VAT1L: variants seen among roughly 807,000 people sequenced by gnomAD.
The protein encoded by VAT1L is putative NADPH-dependent quinone oxidoreductase VAT1L.
VAT1L carries 34 observed loss-of-function variants against 44.1 expected under a neutral mutation model. That is an observed-to-expected ratio of 0.77 (90% CI 0.59 to 1.03). VAT1L has a LOEUF of 1.03. VAT1L is among the 50% of genes least tolerant of loss of function. The pLI, the probability that VAT1L is intolerant of heterozygous loss-of-function variation, is 0.00. For missense variants in VAT1L, 615 were observed against 538.8 expected (o/e 1.14, Z -1.40); for synonymous variants, 253 against 202.2 (o/e 1.25, Z -2.13).
At chr16:77,791,816 G>C (rs1443858169) in intron 1 of VAT1L, among the ~76,000 whole-genome samples, 1 of 152,214 alleles carries the variant, frequency 6.6e-6, no homozygotes, top group Non-Finnish European at 1.5e-5. Flanking sequence ...AGCTCAAAAA[G>C]AACTGTTGCT....
At chr16:77,900,867 C>T (rs553439346) in intron 7 of VAT1L, among the ~76,000 whole-genome samples, 1 of 152,132 alleles carries the variant, frequency 6.6e-6, no homozygotes, top group South Asian at 2.1e-4. Flanking sequence ...TTATAAATGC[C>T]CCAAGTCTGC....
intron 2 of VAT1L, among the ~76,000 whole-genome samples, chr16:77,822,692 G>T (rs4552039): frequency 0.037 from 5,595 of 152,252 alleles, 199 homozygotes; most frequent in East Asian, 0.14. Flanking sequence ...GAAAGGAGAT[G>T]CAAGGAGGCA....
intron 3 of VAT1L, among the ~76,000 whole-genome samples, chr16:77,852,636 T>G (rs1362951760): frequency 6.6e-6 from 1 of 152,154 alleles, no homozygotes; most frequent in African/African-American, 2.4e-5. Flanking sequence ...GGCAATATGA[T>G]GTTGGGTGGA....
chr16:77,952,704 A>C (rs1337725874), intron 7 of VAT1L, among the ~76,000 whole-genome samples: 1 of 151,930 alleles, frequency 6.6e-6, no homozygotes, highest in Non-Finnish European at 1.5e-5. Flanking sequence ...TAAAAAATAC[A>C]AAAATTAGCC....
chr16:77,933,906 G>C (rs2017761892), intron 7 of VAT1L, among the ~76,000 whole-genome samples: 1 of 152,182 alleles, frequency 6.6e-6, no homozygotes, highest in Admixed American at 6.5e-5. Flanking sequence ...GGCACAATCG[G>C]GAATCTGGAA....
At position 77,814,444 on chromosome 16, in the gene VAT1L, A is replaced by G. The variant is rs183419347; in HGVS notation, c.234-2477A>G. ...GAAAAGTCAGTGTTAGCCTCTTCTC[A>G]TTGGAATTTAAGTAGCTGGCTCTCA... is the stretch of plus-strand genomic sequence containing the variant. On this transcript the variant is annotated intron_variant, in intron 1 of 8. Coordinates refer to ENST00000302536, the MANE Select transcript of VAT1L (RefSeq NM_020927.3). Among the ~76,000 whole-genome samples the G allele has an allele frequency of 1.7e-3, 258 of 152,262 alleles. 1 individual carries two copies. The highest frequency in any genetic ancestry group is 5.0e-4 in the Non-Finnish European group (34 of 68,020).
At chr16:77,807,420 C>T (rs763092993) in intron 1 of VAT1L, among the ~76,000 whole-genome samples, 4 of 152,162 alleles carry the variant, frequency 2.6e-5, no homozygotes, top group Non-Finnish European at 5.9e-5. Context: ...GGTGCAAAGG[C>T]CCAGTCCCCA....
intron 4 of VAT1L, among the ~76,000 whole-genome samples, chr16:77,868,679 C>T (rs546225302): frequency 6.6e-6 from 1 of 152,258 alleles, no homozygotes; most frequent in Non-Finnish European, 1.5e-5. Flanking sequence ...GCGGCTTGCT[C>T]CTCAGCCAGG....
In VAT1L at chr16:77,917,899, G is replaced by T. The variant is rs2017567800; in HGVS notation, c.1077+33097G>T. Among the ~76,000 whole-genome samples the T allele has an allele frequency of 3.9e-5, 6 of 152,316 alleles. No homozygotes were observed. In the South Asian group the frequency reaches 1.2e-3, roughly 32 times the overall value. ...AGGGGAGCCCCAGAGATGGAAATCAGTTGAAGCCAGACACTGAAGTTCTGT... is the reference window on the plus strand; with the variant it reads ...AGGGGAGCCCCAGAGATGGAAATCATTTGAAGCCAGACACTGAAGTTCTGT... On this transcript the variant is annotated intron_variant, in intron 7 of 8. Coordinates refer to ENST00000302536, the MANE Select transcript of VAT1L (RefSeq NM_020927.3).
chr16:77,948,446 T>G (rs2017997927), intron 7 of VAT1L, among the ~76,000 whole-genome samples: 1 of 152,196 alleles, frequency 6.6e-6, no homozygotes, highest in Admixed American at 6.5e-5. Flanking sequence ...AGCAATACGG[T>G]GTCACAGTTG....
chr16:77,848,234 T>G (rs1385800218), intron 3 of VAT1L, among the ~76,000 whole-genome samples: 1 of 152,208 alleles, frequency 6.6e-6, no homozygotes, highest in Admixed American at 6.5e-5. Context: ...ACGGGCTGAC[T>G]AGAGAGGCAA....
intron 7 of VAT1L, among the ~76,000 whole-genome samples, chr16:77,936,430 C>A (rs901935595): frequency 1.3e-5 from 2 of 152,124 alleles, no homozygotes; most frequent in African/African-American, 4.8e-5. Context: ...GCACCTGGCA[C>A]CCACCTTTAT....
chr16:77,950,162 A>G (rs746331253), intron 7 of VAT1L, among the ~76,000 whole-genome samples: 11 of 152,158 alleles, frequency 7.2e-5, no homozygotes, highest in Non-Finnish European at 1.5e-4. Flanking sequence ...TAATCCCAGC[A>G]TTTTGGGAGG....
chr16:77,812,245 G>C (rs985587919), intron 1 of VAT1L, among the ~76,000 whole-genome samples: 6 of 152,012 alleles, frequency 3.9e-5, no homozygotes, highest in Non-Finnish European at 8.8e-5. Context: ...GCTAATTTTT[G>C]TATTTTTAGT....
At chr16:77,857,854 C>G (rs1432841703) in intron 3 of VAT1L, among the ~76,000 whole-genome samples, 2 of 144,812 alleles carry the variant, frequency 1.4e-5, no homozygotes, top group Non-Finnish European at 3.0e-5. Context: ...TTTTTTTAAC[C>G]ATGTGCATGT....
At chr16:77,835,768 G>T (rs1411902207) in intron 3 of VAT1L, among the ~76,000 whole-genome samples, 1 of 151,986 alleles carries the variant, frequency 6.6e-6, no homozygotes, top group Non-Finnish European at 1.5e-5. Flanking sequence ...AGCTACTCAG[G>T]AGGCTGAGGC....
intron 7 of VAT1L, among the ~76,000 whole-genome samples, chr16:77,904,606 C>T (rs1179462816): frequency 1.3e-5 from 2 of 152,178 alleles, no homozygotes; most frequent in Non-Finnish European, 2.9e-5. Flanking sequence ...CCCAAAGCCT[C>T]CATCTCCAAA....
chr16:77,947,300 G>A (rs1177113140), intron 7 of VAT1L, among the ~76,000 whole-genome samples: 1 of 152,174 alleles, frequency 6.6e-6, no homozygotes, highest in African/African-American at 2.4e-5. Context: ...CCTTGATGAA[G>A]AATCTTTGAA....
At chr16:77,866,407 G>C (rs1597074109) in intron 4 of VAT1L, among the ~76,000 whole-genome samples, 1 of 152,110 alleles carries the variant, frequency 6.6e-6, no homozygotes, top group East Asian at 1.9e-4. Flanking sequence ...GCCCATGGTA[G>C]CACATTGCGT....
Sources: allele counts gnomAD v4.1 joint callset (sites outside exome capture counted in the v4.1 genomes callset), GRCh38; gene constraint gnomAD v4.1.1; transcripts MANE v1.5; gene names NCBI Gene and HGNC (gene_info 2026-07-23, HGNC 2026-07-21).